KIF6: variants seen among roughly 807,000 people sequenced by gnomAD.
KIF6 encodes kinesin-like protein KIF6.
KIF6 carries 106 observed loss-of-function variants against 112.7 expected under a neutral mutation model. The ratio of observed to expected loss-of-function variants is 0.94; its 90% CI spans 0.80 to 1.11. KIF6 has a LOEUF of 1.11. Ranked by LOEUF, KIF6 falls within the 50% of genes least tolerant of loss-of-function variation. The pLI is 0.00. For missense variants in KIF6, 929 were observed against 964.0 expected (o/e 0.96, Z 0.48); for synonymous variants, 339 against 339.9 (o/e 1.00, Z 0.03).
chr6:39,628,516 TC>T (rs1784204196), intron 5 of KIF6, among the ~76,000 whole-genome samples: 1 of 152,106 alleles, frequency 6.6e-6, no homozygotes, highest in Non-Finnish European at 1.5e-5. Flanking sequence ...GTCCAACCAT[TC>T]CCCTGCCTTC....
At chr6:39,380,255 CT>C (rs1562153685) in intron 16 of KIF6, among the ~76,000 whole-genome samples, 2 of 152,122 alleles carry the variant, frequency 1.3e-5, no homozygotes, top group Non-Finnish European at 2.9e-5. Context: ...CCTATAAGCC[CT>C]GATGATGTTC....
intron 10 of KIF6, among the ~76,000 whole-genome samples, chr6:39,559,058 A>G (rs2150592444): frequency 6.6e-6 from 1 of 152,296 alleles, no homozygotes; most frequent in South Asian, 2.1e-4. Context: ...CAGGACCAAA[A>G]ACACTTTGTA....
At chr6:39,413,873 C>T (rs990800987) in intron 15 of KIF6, among the ~76,000 whole-genome samples, 2 of 152,114 alleles carry the variant, frequency 1.3e-5, no homozygotes, top group African/African-American at 2.4e-5. Flanking sequence ...TTTTGATAAG[C>T]GTAATTTTAA....
intron 12 of KIF6, among the ~76,000 whole-genome samples, chr6:39,542,873 T>C (rs1243412655): frequency 2.6e-5 from 4 of 152,144 alleles, no homozygotes; most frequent in African/African-American, 9.7e-5. Flanking sequence ...TCAATCCAGG[T>C]ATGAATTGAA....
intron 3 of KIF6, among the ~76,000 whole-genome samples, chr6:39,700,717 A>AT (rs34353421): frequency 2.1e-4 from 30 of 144,594 alleles, no homozygotes; most frequent in African/African-American, 6.8e-4. Flanking sequence ...CATAATTTTA[A>AT]TTTTTTTTTT....
intron 3 of KIF6, among the ~76,000 whole-genome samples, chr6:39,640,168 A>G (rs1240873810): frequency 6.6e-6 from 1 of 152,062 alleles, no homozygotes; most frequent in Non-Finnish European, 1.5e-5. Context: ...GGAGGAACAC[A>G]CTCTGCTTGC....
At chr6:39,496,718 T>A (rs1360485474) in intron 13 of KIF6, among the ~76,000 whole-genome samples, 3 of 152,332 alleles carry the variant, frequency 2.0e-5, no homozygotes, top group African/African-American at 7.2e-5. Flanking sequence ...TATCAACATT[T>A]TCACATCAAA....
chr6:39,376,696 C>A (rs1475762717), intron 16 of KIF6, among the ~76,000 whole-genome samples: 2 of 152,172 alleles, frequency 1.3e-5, no homozygotes, highest in Non-Finnish European at 2.9e-5. Context: ...GTGTGACTAG[C>A]TGCATCACAG....
intron 7 of KIF6, among the ~76,000 whole-genome samples, chr6:39,592,032 A>G (rs1781981081): frequency 6.6e-6 from 1 of 152,168 alleles, no homozygotes; most frequent in East Asian, 1.9e-4. Context: ...GAATGGCAAG[A>G]ACCCGGGAGA....
At chr6:39,608,806 G>T (rs1335297577) in intron 6 of KIF6, among the ~76,000 whole-genome samples, 1 of 152,144 alleles carries the variant, frequency 6.6e-6, no homozygotes, top group Non-Finnish European at 1.5e-5. Flanking sequence ...CCTGACATTG[G>T]AGGTCTTATT....
intron 7 of KIF6, 34 bp from the exon 8 acceptor site, chr6:39,586,438 T>C: frequency 1.9e-6 from 3 of 1,594,804 alleles, no homozygotes; most frequent in Non-Finnish European, 2.6e-6. Flanking sequence ...GGGATTAATT[T>C]AGCAAGAAAA....
chr6:39,375,794 T>C (rs1380794406), intron 16 of KIF6, among the ~76,000 whole-genome samples: 1 of 152,192 alleles, frequency 6.6e-6, no homozygotes, highest in Non-Finnish European at 1.5e-5. Context: ...CATATATCAA[T>C]ATATTTCCTA....
intron 16 of KIF6, among the ~76,000 whole-genome samples, chr6:39,375,588 G>A (rs542867694): frequency 1.3e-5 from 2 of 152,262 alleles, no homozygotes; most frequent in East Asian, 3.9e-4. Flanking sequence ...CCTGCCCTTG[G>A]ACGTTGGCAC....
rs182704143 is a variant in KIF6 at position 39,445,618 on chromosome 6, C to T, written c.1646-14457G>A. ...CAGGTGAAGCAGATAGACAAGGCAT[C>T]AAAGGTCACGTGGTTCAGAAGGTAT... On this transcript the variant is annotated intron_variant, in intron 13 of 22. Transcript: ENST00000287152. 2.6e-5 allele frequency among the ~76,000 whole-genome samples: 4 copies of T among 152,274 alleles called. No individual in the cohort carries two copies. In the East Asian group the frequency reaches 7.7e-4, roughly 29 times the overall value.
chr6:39,489,367 T>C (rs1775322768), intron 13 of KIF6, among the ~76,000 whole-genome samples: 1 of 152,108 alleles, frequency 6.6e-6, no homozygotes, highest in African/African-American at 2.4e-5. Context: ...GTCATCGCAA[T>C]AGACTTTAGA....
chr6:39,664,788 A>G (rs535117193), intron 3 of KIF6, among the ~76,000 whole-genome samples: 43 of 152,334 alleles, frequency 2.8e-4, no homozygotes, highest in Admixed American at 1.9e-3. Context: ...ATCCCCAAAG[A>G]TACAATCCTT....
chr6:39,410,617 A>G (rs1769410408), intron 15 of KIF6, among the ~76,000 whole-genome samples: 1 of 152,234 alleles, frequency 6.6e-6, no homozygotes, highest in South Asian at 2.1e-4. Context: ...AGAAAAGATC[A>G]ATGGATTTGA....
chr6:39,362,935 G>C (rs1339627506), intron 16 of KIF6, among the ~76,000 whole-genome samples: 1 of 152,190 alleles, frequency 6.6e-6, no homozygotes, highest in Non-Finnish European at 1.5e-5. Flanking sequence ...GATCACCTGA[G>C]GTTAGGAGTT....
At chr6:39,569,600 A>G (rs1780534059) in intron 10 of KIF6, among the ~76,000 whole-genome samples, 1 of 152,246 alleles carries the variant, frequency 6.6e-6, no homozygotes, top group African/African-American at 2.4e-5. Context: ...ATATGGTGGA[A>G]ATGGCTTCTC....
Sources: gnomAD v4.1 joint callset for allele counts (sites outside exome capture counted in the v4.1 genomes callset) on GRCh38, gnomAD v4.1.1 for gene constraint, MANE v1.5 for transcripts, NCBI Gene and HGNC (gene_info 2026-07-23, HGNC 2026-07-21) for gene names.